The following FLNC variants were observed in gnomAD, a reference collection of about 807,000 sequenced individuals.
FLNC encodes filamin-C.
Under a neutral mutation model 254.3 loss-of-function variants are expected in FLNC, and 91 were observed. The ratio of observed to expected loss-of-function variants is 0.36; its 90% confidence interval spans 0.30 to 0.43. The LOEUF is 0.43. Ranked by LOEUF, FLNC falls within the 20% of genes least tolerant of loss-of-function variation. The pLI, the probability that FLNC is intolerant of heterozygous loss-of-function variation, is 1.00. For synonymous variants in FLNC, 1,430 were observed against 1,577.2 expected (o/e 0.91, Z 2.21); for missense variants, 2,853 against 3,802.6 (o/e 0.75, Z 6.57).
At position 128,844,252 on chromosome 7, in the gene FLNC, CCT is replaced by C; in HGVS notation, c.3179_3180del (p.Pro1060ArgfsTer54). The C allele has an allele frequency of 6.2e-7, 1 of 1,608,234 alleles. No homozygotes were observed. Among genetic ancestry groups the C allele is most frequent in the Non-Finnish European group, 8.5e-7 (1 of 1,176,740 alleles). On this transcript the variant is annotated frameshift_variant, in exon 20 of 48. Transcript: ENST00000325888. LOFTEE classifies it high-confidence loss of function. Reference protein sequence around the residue: ...SPFAVEGVLPPDPSKVCAYGP... With the variant: ...SPFAVEGVLPXDPSKVCAYGP... ...GTTTGCTGTGGAGGGTGTCCTGCCC[CCT>C]GATCCCTCCAAGGTGAGGAGATAGG...
intron 8 of FLNC, among the ~76,000 whole-genome samples, chr7:128,839,561 C>T (rs1187085794): frequency 6.6e-6 from 1 of 152,234 alleles, no homozygotes; most frequent in Non-Finnish European, 1.5e-5. Context: ...TGGCCACGGT[C>T]TGTGGTAGGC....
intron 41 of FLNC, 46 bp from the exon 42 acceptor site, chr7:128,854,729 T>C (rs1403268591): frequency 3.1e-6 from 5 of 1,612,964 alleles, no homozygotes; most frequent in East Asian, 4.5e-5. Context: ...GGGCAGCCAG[T>C]GTGAGGGGCG....
chr7:128,835,183 C>A lies in FLNC; in HGVS notation c.353-143C>A, dbSNP rs1054738727. The stretch of plus-strand genomic sequence containing the variant: ...AACTTGGCATCTGAGTGGGGCCTCG[C>A]AGGAGGGAGAGGGTCAGGTAGGCAG... On this transcript the variant is annotated intron_variant, in intron 1 of 47. Coordinates refer to ENST00000325888, the MANE Select transcript of FLNC (RefSeq NM_001458.5). This position sits in a 1 kb window ranked among gnomAD's most constrained non-coding sequence, Gnocchi z 5.3. 21 of 1,076,044 alleles carry A rather than the reference C, an allele frequency of 2.0e-5. No individual in the cohort carries two copies. Among genetic ancestry groups the A allele is most frequent in the Admixed American group, 4.0e-5 (2 of 50,484 alleles). 66.7% of individuals were successfully genotyped at this position (1,076,044 alleles called of 1,614,324 possible).
At position 128,830,470 on chromosome 7, in the gene FLNC, G is replaced by A. The variant is rs1807838424; in HGVS notation, c.-168G>A. On this transcript the variant is annotated 5_prime_UTR_variant, in exon 1 of 48. Transcript: ENST00000325888. ...AGCCAGAGAGCGGCCGAGCGCCTAG[G>A]AGGCCCGCCGAGCCTCGCCGAGCCC... is the stretch of plus-strand genomic sequence containing the variant. 1.6e-6 allele frequency: 1 copy of A among 628,636 alleles called. No individual in the cohort carries two copies. The highest frequency in any genetic ancestry group is 1.8e-5 in the African/African-American group (1 of 54,108). 38.9% of individuals were successfully genotyped at this position (628,636 alleles called of 1,614,324 possible).
rs779804237 is a variant in FLNC, at chr7:128,838,244, A to G, written c.1048-23A>G. ...TCAGGACTGCTCTCCCCTAGAAGCT[A>G]ACCTTTGACCTCTGACCCCTAGGTG... On this transcript the variant is annotated intron_variant, in intron 6 of 47. Coordinates refer to ENST00000325888, the MANE Select transcript of FLNC (RefSeq NM_001458.5). 4 of 1,612,546 alleles carry G rather than the reference A, an allele frequency of 2.5e-6. No homozygotes were observed. The East Asian group carries it at 8.9e-5, about 36-fold the overall frequency.
rs1259876470 is a variant in FLNC at position 128,851,364 on chromosome 7, A to C, written c.5668+4A>C. On this transcript the variant is annotated splice_donor_region_variant and intron_variant, in intron 34 of 47. Coordinates refer to ENST00000325888, the MANE Select transcript of FLNC (RefSeq NM_001458.5). ...GTCACCAAAGATGCTGGAGAAGGTG[A>C]GGGAGCTGCAGGTCGCAGGCTGGGG... 2 of 1,613,972 alleles carry C rather than the reference A, an allele frequency of 1.2e-6. No homozygotes were observed. Among genetic ancestry groups the C allele is most frequent in the African/African-American group, 2.7e-5 (2 of 74,932 alleles).
At chr7:128,834,057 T>C (rs1174567435) in intron 1 of FLNC, among the ~76,000 whole-genome samples, 1 of 151,918 alleles carries the variant, frequency 6.6e-6, no homozygotes, top group Non-Finnish European at 1.5e-5. Flanking sequence ...CCCCAAGACC[T>C]GGGGAAGGGT....
Position 128,831,003 on chromosome 7 carries a change from G to T in FLNC, c.352+14G>T. 1 of 1,602,100 alleles carries T rather than the reference G, an allele frequency of 6.2e-7. No individual in the cohort carries two copies. Among genetic ancestry groups the T allele is most frequent in the Non-Finnish European group, 8.5e-7 (1 of 1,178,756 alleles). ...TCGTGTCCATAGGTCAGTGCCGGGG[G>T]CGAGGGCACGGGCGCTGCGGGGATA... On this transcript the variant is annotated intron_variant, in intron 1 of 47. Transcript: ENST00000325888.
In FLNC at chr7:128,835,261, G is replaced by A; in HGVS notation, c.353-65G>A. 1 of 1,609,508 alleles carries A rather than the reference G, an allele frequency of 6.2e-7. No individual in the cohort carries two copies. The highest frequency in any genetic ancestry group is 8.5e-7 in the Non-Finnish European group (1 of 1,178,752). The stretch of plus-strand genomic sequence containing the variant: ...GGCCCGAGGAGCTGCGCAGGTGAGG[G>A]AGGGTGCTCTGGGGCAGTGGAGGGT... On this transcript the variant is annotated intron_variant, in intron 1 of 47. Coordinates refer to ENST00000325888, the MANE Select transcript of FLNC (RefSeq NM_001458.5). The surrounding 1 kb of genome is among the most constrained non-coding windows in gnomAD (Gnocchi z 5.3).
chr7:128,841,538 G>A lies in FLNC; in HGVS notation c.2092G>A (p.Gly698Ser), dbSNP rs1461903090. 1.2e-5 allele frequency: 19 copies of A among 1,614,086 alleles called. No individual in the cohort carries two copies. The Middle Eastern group carries it at 6.6e-4, about 56-fold the overall frequency. The change falls in exon 13 of 48, where the codon GGC becomes AGC. Residue 698 changes from glycine (G) to serine (S), a missense_variant. By Grantham distance (56) the Gly-to-Ser change is moderately conservative (BLOSUM62 0). Around this residue, in one of 10 missense-constraint regions of FLNC, gnomAD observed 1,573 missense variants for 1,883.5 expected, o/e 0.84. Transcript: ENST00000325888. This position sits in a 1 kb window ranked among gnomAD's most constrained non-coding sequence, Gnocchi z 4.3. Reference sequence around the variant, plus strand: ...GTTCACCATTGATGCTCGTGCAGCTGGCAAGGGAGACCTGAAGCTCTATGC... The same window carrying A: ...GTTCACCATTGATGCTCGTGCAGCTAGCAAGGGAGACCTGAAGCTCTATGC... ...AEFTIDARAA[G>S]KGDLKLYAQD...
chr7:128,838,617 G>A lies in FLNC; in HGVS notation c.1225G>A (p.Asp409Asn), dbSNP rs371913931. Residue 409 changes from aspartate (D) to asparagine (N), a missense_variant, in exon 8 of 48, where the codon GAT becomes AAT. Around this residue, in one of 10 missense-constraint regions of FLNC, gnomAD observed 1,573 missense variants for 1,883.5 expected, o/e 0.84. Coordinates refer to ENST00000325888, the MANE Select transcript of FLNC (RefSeq NM_001458.5). ...DIYTAGAGTGDVAVVIVDPQG... is the reference protein window; with the variant it reads ...DIYTAGAGTGNVAVVIVDPQG... ...GTTTTCGGCAGGGGCCGGCACTGGC[G>A]ATGTTGCTGTGGTGATCGTGGACCC... The A allele has an allele frequency of 5.3e-5, 85 of 1,612,894 alleles. No homozygotes were observed. Among genetic ancestry groups the A allele is most frequent in the Non-Finnish European group, 7.0e-5 (83 of 1,180,012 alleles).
chr7:128,849,471 C>G lies in FLNC; in HGVS notation c.5092C>G (p.His1698Asp). 6.2e-7 allele frequency: 1 copy of G among 1,614,242 alleles called. No individual in the cohort carries two copies. Among genetic ancestry groups the G allele is most frequent in the Non-Finnish European group, 8.5e-7 (1 of 1,180,042 alleles). Residue 1698 changes from histidine (H) to aspartate (D), a missense_variant, in exon 30 of 48, where the codon CAT becomes GAT. Physicochemically the swap from His to Asp is moderately conservative, Grantham distance 81 (BLOSUM62 -1). This residue lies in a region of FLNC where 258 missense variants were observed against 312.3 expected (regional missense o/e 0.83). Coordinates refer to ENST00000325888, the MANE Select transcript of FLNC (RefSeq NM_001458.5). ...GCTCGATGTGGATGTGGTTGAGAAC[C>G]ATGACGGTACCTTTGACATCTACTA... ...AELDVDVVENHDGTFDIYYTA... is the reference protein window; with the variant it reads ...AELDVDVVENDDGTFDIYYTA...
chr7:128,848,209 G>A (rs190136940), intron 26 of FLNC, 141 bp downstream of exon 26: 36 of 1,105,866 alleles, frequency 3.3e-5, no homozygotes, highest in Admixed American at 2.6e-4. Context: ...ACCCCATCCC[G>A]CTCTTCCCCG....
intron 8 of FLNC, among the ~76,000 whole-genome samples, chr7:128,839,649 A>T (rs1431195014): frequency 6.6e-6 from 1 of 152,114 alleles, no homozygotes; most frequent in Non-Finnish European, 1.5e-5. Context: ...GCATTGCTGG[A>T]TGTTTTGTGG....
At chr7:128,834,696 G>C (rs1808030135) in intron 1 of FLNC, among the ~76,000 whole-genome samples, 1 of 152,084 alleles carries the variant, frequency 6.6e-6, no homozygotes, top group South Asian at 2.1e-4. Context: ...AAAAAAGAGA[G>C]TATATACTGT....
At chr7:128,840,182 C>A (rs754318650) in intron 9 of FLNC, 22 bp downstream of exon 9, 1 of 1,612,950 alleles carries the variant, frequency 6.2e-7, no homozygotes, top group Non-Finnish European at 8.5e-7. Context: ...AGCCCAGGGT[C>A]GTGAGGGTGG....
Position 128,830,563 on chromosome 7 carries a change from C to T in FLNC, c.-75C>T. The T allele has an allele frequency of 1.5e-6, 2 of 1,292,604 alleles. No individual in the cohort carries two copies. Among genetic ancestry groups the T allele is most frequent in the Non-Finnish European group, 1.1e-6 (1 of 905,426 alleles). The allele number at this position is 1,292,604 out of a possible 1,614,324, so 80.1% of individuals were successfully genotyped here. A position where few individuals can be genotyped will look rare whatever the true frequency, so the allele number is the denominator to read the frequency against. On this transcript the variant is annotated 5_prime_UTR_variant, in exon 1 of 48. Transcript: ENST00000325888. ...AGCGCAGCGAGTCCCGTGGTCGCGC[C>T]CCAACAGCGCCCGACAGCCCCCGAT...
chr7:128,833,626 C>A (rs910831367), intron 1 of FLNC, among the ~76,000 whole-genome samples: 1 of 152,210 alleles, frequency 6.6e-6, no homozygotes, highest in Non-Finnish European at 1.5e-5. Flanking sequence ...ACCGCCCCCC[C>A]CAACCCCTGC....
chr7:128,840,407 T>A, intron 9 of FLNC, 141 bp from the exon 10 acceptor site: 1 of 1,142,606 alleles, frequency 8.8e-7, no homozygotes. Flanking sequence ...AAGTGTTCCC[T>A]GCCCTGAGTT....
Sources: gnomAD v4.1 joint callset for allele counts (sites outside exome capture counted in the v4.1 genomes callset) on GRCh38, gnomAD v4.1.1 for gene constraint, gnomAD v4.1.1 regional missense constraint, Gnocchi (gnomAD v3.1) non-coding constraint, MANE v1.5 for transcripts, NCBI Gene and HGNC (gene_info 2026-07-23, HGNC 2026-07-21) for gene names.